The following TANGO6 variants were observed in gnomAD, a reference collection of about 807,000 sequenced individuals.
The protein encoded by TANGO6 is transport and golgi organization 6 homolog.
Under a neutral mutation model 114.2 loss-of-function variants are expected in TANGO6, and 90 were observed. That is an observed-to-expected ratio of 0.79 (90% CI 0.66 to 0.94). TANGO6 has a LOEUF of 0.94. Among genes scored for constraint, TANGO6 ranks in the 40% least tolerant of loss-of-function variants. The pLI, the probability that TANGO6 is intolerant of heterozygous loss-of-function variation, is 0.00. For synonymous variants in TANGO6, 477 were observed against 509.8 expected (o/e 0.94, Z 0.87); for missense variants, 1,274 against 1,315.3 (o/e 0.97, Z 0.49).
Position 68,959,748 on chromosome 16 carries a change from C to T in TANGO6, c.2702-14280C>T, listed in dbSNP as rs552870919. ...CACTTGGAGGATGTGAAAGATCAGC[C>T]CTGTCTTGCCAGAACTTTAGGCCAG... is the stretch of plus-strand genomic sequence containing the variant. On this transcript the variant is annotated intron_variant, in intron 14 of 17. Transcript: ENST00000261778. Among the ~76,000 whole-genome samples, 5 of 152,320 alleles carry T rather than the reference C, an allele frequency of 3.3e-5. No homozygotes were observed. In the South Asian group the frequency reaches 6.2e-4, roughly 19 times the overall value.
chr16:68,874,995 G>A (rs1240405542), intron 4 of TANGO6, among the ~76,000 whole-genome samples, 159 bp from the exon 5 acceptor site: 1 of 151,594 alleles, frequency 6.6e-6, no homozygotes, highest in African/African-American at 2.4e-5. Context: ...AACATAAAAA[G>A]GAAAGTATAG....
chr16:68,901,255 G>A (rs1423080515), intron 8 of TANGO6, among the ~76,000 whole-genome samples: 4 of 152,082 alleles, frequency 2.6e-5, no homozygotes, highest in African/African-American at 7.2e-5. Flanking sequence ...TACAGTCCCC[G>A]GCAAATAGTA....
chr16:68,854,145 T>C (rs2152153102), intron 1 of TANGO6, among the ~76,000 whole-genome samples: 1 of 152,302 alleles, frequency 6.6e-6, no homozygotes, highest in East Asian at 1.9e-4. Context: ...TCCTTTTGGC[T>C]CATGCTTTTT....
intron 17 of TANGO6, among the ~76,000 whole-genome samples, chr16:69,052,382 C>T (rs1262679028): frequency 1.3e-5 from 2 of 151,374 alleles, no homozygotes; most frequent in East Asian, 1.9e-4. Flanking sequence ...AATCCTCCCA[C>T]TTCAGCCTCC....
chr16:68,959,543 C>T (rs868041370), intron 14 of TANGO6, among the ~76,000 whole-genome samples: 3 of 151,766 alleles, frequency 2.0e-5, no homozygotes, highest in African/African-American at 7.3e-5. Context: ...GCCAAGATCA[C>T]GCCACTGCAC....
intron 9 of TANGO6, 68 bp from the exon 10 acceptor site, chr16:68,907,375 G>T: frequency 6.8e-7 from 1 of 1,470,950 alleles, no homozygotes; most frequent in Admixed American, 2.5e-5. Context: ...TTAGAAGATT[G>T]TTATGGGGTT....
intron 15 of TANGO6, among the ~76,000 whole-genome samples, chr16:69,002,967 G>A (rs1049264475): frequency 7.2e-5 from 11 of 152,086 alleles, no homozygotes; most frequent in South Asian, 2.1e-4. Flanking sequence ...ACTTGAACCC[G>A]GGAGGTAGAG....
Position 68,860,532 on chromosome 16 carries a change from T to G in TANGO6, c.735+8T>G, listed in dbSNP as rs1209137393. ...CTAACACCTGCAGAAGAGGTAAATATACATTGAGAAAGAGAGAGGGAGAGA... is the reference window on the plus strand; with the variant it reads ...CTAACACCTGCAGAAGAGGTAAATAGACATTGAGAAAGAGAGAGGGAGAGA... On this transcript the variant is annotated splice_region_variant and intron_variant, in intron 2 of 17. Coordinates refer to ENST00000261778, the MANE Select transcript of TANGO6 (RefSeq NM_024562.2). 4.4e-6 allele frequency: 7 copies of G among 1,608,640 alleles called. No individual in the cohort carries two copies. The highest frequency in any genetic ancestry group is 6.0e-6 in the Non-Finnish European group (7 of 1,176,132).
intron 1 of TANGO6, among the ~76,000 whole-genome samples, chr16:68,851,717 T>C (rs1266730349): frequency 6.6e-6 from 1 of 152,208 alleles, no homozygotes; most frequent in Non-Finnish European, 1.5e-5. Context: ...GGGAAATGCC[T>C]ATGTAATTTT....
Position 69,014,895 on chromosome 16 carries a change from C to CAA in TANGO6, c.2843-7918_2843-7917dup, listed in dbSNP as rs201424773. 1.1e-3 allele frequency among the ~76,000 whole-genome samples: 105 copies of CAA among 97,236 alleles called. 2 individuals are homozygous for CAA. Among genetic ancestry groups the CAA allele is most frequent in the African/African-American group, 3.5e-3 (92 of 26,616 alleles). 63.8% of individuals were successfully genotyped at this position (97,236 alleles called of 152,430 possible). ...TGGGTGACAGAACAAGACCTTGTCT[C>CAA]AAAAAAAAAAAAAAAAGAAAAAGAA... On this transcript the variant is annotated intron_variant, in intron 15 of 17. Transcript: ENST00000261778.
chr16:69,078,857 T>TC (rs1291959092), intron 17 of TANGO6, among the ~76,000 whole-genome samples: 3 of 152,092 alleles, frequency 2.0e-5, no homozygotes, highest in Non-Finnish European at 4.4e-5. Flanking sequence ...TTCTCCCATC[T>TC]CAGCCTCCTA....
At chr16:69,026,821 G>A (rs1371931615) in intron 16 of TANGO6, 1 of 152,228 alleles carries the variant, frequency 6.6e-6, no homozygotes, top group African/African-American at 2.4e-5. Context: ...AGGGATGAGA[G>A]GATCAAATCT....
intron 4 of TANGO6, among the ~76,000 whole-genome samples, chr16:68,870,294 T>C (rs1962247728): frequency 1.3e-5 from 2 of 152,178 alleles, no homozygotes; most frequent in Admixed American, 1.3e-4. Flanking sequence ...AGAATAAATC[T>C]TGACTTCATT....
At chr16:69,005,788 CAAAAAA>C (rs57025707) in intron 15 of TANGO6, among the ~76,000 whole-genome samples, 1 of 86,946 alleles carries the variant, frequency 1.2e-5, no homozygotes. Context: ...AACTTCATCT[CAAAAAA>C]AAAAAAAAAA....
intron 13 of TANGO6, 26 bp downstream of exon 13, chr16:68,928,109 C>T: frequency 6.5e-7 from 1 of 1,539,178 alleles, no homozygotes; most frequent in South Asian, 1.2e-5. Context: ...TGTAAAGACA[C>T]ATGGGCACAG....
chr16:69,027,901 C>T (rs2152230013), intron 16 of TANGO6, among the ~76,000 whole-genome samples: 1 of 152,256 alleles, frequency 6.6e-6, no homozygotes, highest in East Asian at 1.9e-4. Flanking sequence ...CTGCTACAGC[C>T]TCCCAGGTAG....
chr16:68,951,737 T>C (rs1255587110), intron 14 of TANGO6, among the ~76,000 whole-genome samples: 1 of 151,636 alleles, frequency 6.6e-6, no homozygotes, highest in Non-Finnish European at 1.5e-5. Context: ...CTCAGCCTCC[T>C]GAGTAGCTGG....
chr16:68,980,409 C>CTCTCTCTCTCTCTCTCTCTCTATATATA (rs1408626276), intron 15 of TANGO6, among the ~76,000 whole-genome samples: 2 of 67,984 alleles, frequency 2.9e-5, no homozygotes, highest in Non-Finnish European at 2.7e-5. Flanking sequence ...CTCTCTCTCT[C>CTCTCTCTCTCTCTCTCTCTCTATATATA]TATATATATA....
intron 15 of TANGO6, among the ~76,000 whole-genome samples, chr16:68,997,032 T>C (rs182028161): frequency 6.6e-6 from 1 of 152,242 alleles, no homozygotes. Context: ...ACAAAGGTTT[T>C]TAACTTCTGG....
Sources: allele counts gnomAD v4.1 joint callset (sites outside exome capture counted in the v4.1 genomes callset), GRCh38; gene constraint gnomAD v4.1.1; transcripts MANE v1.5; gene names NCBI Gene and HGNC (gene_info 2026-07-23, HGNC 2026-07-21).